Variants in PTPRK observed in about 807,000 individuals in gnomAD.
The protein encoded by PTPRK is receptor-type tyrosine-protein phosphatase kappa.
Under a neutral mutation model 178.0 loss-of-function variants are expected in PTPRK, and 75 were observed. The observed-to-expected ratio is 0.42, with a 90% CI of 0.35 to 0.51. The LOEUF (loss-of-function observed/expected upper bound fraction) is 0.51. PTPRK is among the 20% of genes least tolerant of loss of function. PTPRK has a pLI of 0.02. For missense variants in PTPRK, 1,441 were observed against 1,797.8 expected (o/e 0.80, Z 3.59); for synonymous variants, 637 against 620.6 (o/e 1.03, Z -0.39).
At chr6:128,329,315 A>G (rs2128324690) in intron 2 of PTPRK, among the ~76,000 whole-genome samples, 1 of 152,164 alleles carries the variant, frequency 6.6e-6, no homozygotes, top group South Asian at 2.1e-4. Flanking sequence ...AAAAAAGTTG[A>G]AATTTTCTAC....
At position 128,482,719 on chromosome 6, in the gene PTPRK, G is replaced by C. The variant is rs557010220; in HGVS notation, c.100+37540C>G. Among the ~76,000 whole-genome samples the C allele has an allele frequency of 7.9e-5, 12 of 152,232 alleles. No homozygotes were observed. In the South Asian group the frequency reaches 2.3e-3, roughly 29 times the overall value. ...TGAACACACACCAACCAAACAGCAA[G>C]GTGCTAGGAAATACAGAGAATTCCC... is the stretch of plus-strand genomic sequence containing the variant. On this transcript the variant is annotated intron_variant, in intron 1 of 29. Coordinates refer to ENST00000368226, the MANE Select transcript of PTPRK (RefSeq NM_002844.4).
At chr6:128,137,871 T>C (rs1378513959) in intron 7 of PTPRK, among the ~76,000 whole-genome samples, 1 of 152,092 alleles carries the variant, frequency 6.6e-6, no homozygotes, top group East Asian at 1.9e-4. Flanking sequence ...TTATGAATTA[T>C]TTCAAATAAT....
intron 13 of PTPRK, among the ~76,000 whole-genome samples, chr6:128,033,646 A>G (rs1775719219): frequency 6.6e-6 from 1 of 152,106 alleles, no homozygotes; most frequent in East Asian, 1.9e-4. Flanking sequence ...CCAGGGTGAG[A>G]GGATTGCTTG....
At chr6:128,360,472 T>C (rs1008003594) in intron 2 of PTPRK, among the ~76,000 whole-genome samples, 1 of 152,208 alleles carries the variant, frequency 6.6e-6, no homozygotes, top group Non-Finnish European at 1.5e-5. Context: ...AACATTGAGA[T>C]GTGATGACAG....
intron 13 of PTPRK, among the ~76,000 whole-genome samples, chr6:128,047,595 T>C (rs576743613): frequency 2.0e-4 from 30 of 152,292 alleles, no homozygotes; most frequent in Middle Eastern, 3.4e-3. Flanking sequence ...TGTTTTCTGG[T>C]ATTTTAGACT....
intron 8 of PTPRK, chr6:128,084,889 A>C (rs981085253): frequency 1.6e-4 from 24 of 152,130 alleles, no homozygotes; most frequent in African/African-American, 5.3e-4. Context: ...ATTTTCCCTT[A>C]ATCTAACGTT....
chr6:128,153,643 T>C (rs1269778887), intron 7 of PTPRK, among the ~76,000 whole-genome samples: 2 of 151,948 alleles, frequency 1.3e-5, no homozygotes, highest in Non-Finnish European at 2.9e-5. Flanking sequence ...TAAGCAAATA[T>C]ACTGCCCTCC....
chr6:128,498,780 T>C (rs1251200643), intron 1 of PTPRK, among the ~76,000 whole-genome samples: 1 of 152,132 alleles, frequency 6.6e-6, no homozygotes, highest in Non-Finnish European at 1.5e-5. Flanking sequence ...GATAGATAAA[T>C]AGAATGAATG....
chr6:128,311,960 C>T (rs187297977), intron 3 of PTPRK, among the ~76,000 whole-genome samples: 8 of 152,188 alleles, frequency 5.3e-5, no homozygotes, highest in Non-Finnish European at 8.8e-5. Flanking sequence ...ATAGTTTAGA[C>T]GACACAGGAA....
At chr6:128,169,708 A>T (rs1220891920) in intron 7 of PTPRK, among the ~76,000 whole-genome samples, 1 of 151,880 alleles carries the variant, frequency 6.6e-6, no homozygotes, top group East Asian at 1.9e-4. Context: ...ACATAGACAT[A>T]ACATAATTTA....
At chr6:127,973,625 C>G (rs1471661142) in intron 28 of PTPRK, 39 bp downstream of exon 28, 7 of 1,604,858 alleles carry the variant, frequency 4.4e-6, no homozygotes, top group Non-Finnish European at 6.0e-6. Flanking sequence ...AAATAAGCAC[C>G]AAGGCCCCAT....
At chr6:128,498,474 A>G in intron 1 of PTPRK, among the ~76,000 whole-genome samples, 1 of 152,186 alleles carries the variant, frequency 6.6e-6, no homozygotes, top group East Asian at 1.9e-4. Context: ...TTTGCATCCC[A>G]ATATCCTCTT....
chr6:128,388,787 T>A (rs1839137263), intron 2 of PTPRK, among the ~76,000 whole-genome samples: 1 of 152,200 alleles, frequency 6.6e-6, no homozygotes, highest in Admixed American at 6.5e-5. Flanking sequence ...ATGACATATT[T>A]TAAATGCTTG....
At chr6:127,994,680 T>C (rs551226528) in intron 18 of PTPRK, among the ~76,000 whole-genome samples, 2 of 152,036 alleles carry the variant, frequency 1.3e-5, no homozygotes, top group African/African-American at 4.8e-5. Flanking sequence ...AATTTCCATG[T>C]AGATATGTAT....
chr6:128,224,715 G>C (rs905361823), intron 5 of PTPRK, among the ~76,000 whole-genome samples: 3 of 152,164 alleles, frequency 2.0e-5, no homozygotes, highest in African/African-American at 7.2e-5. Flanking sequence ...AAGGAGATAT[G>C]ATAGGAATTG....
At chr6:128,445,200 T>TATA (rs1846793408) in intron 1 of PTPRK, among the ~76,000 whole-genome samples, 1 of 132,430 alleles carries the variant, frequency 7.6e-6, no homozygotes, top group East Asian at 2.1e-4. Context: ...ACTATTTTAT[T>TATA]TATATATATA....
At chr6:128,385,509 G>A (rs554312062) in intron 2 of PTPRK, among the ~76,000 whole-genome samples, 5 of 152,240 alleles carry the variant, frequency 3.3e-5, no homozygotes, top group Non-Finnish European at 4.4e-5. Context: ...GAAGAACATG[G>A]CAAGCTGTTA....
intron 3 of PTPRK, among the ~76,000 whole-genome samples, chr6:128,271,350 C>T (rs1341704602): frequency 3.3e-5 from 5 of 152,106 alleles, no homozygotes; most frequent in Non-Finnish European, 7.4e-5. Flanking sequence ...GAGAGGGGAC[C>T]GGCCTGGTGT....
intron 13 of PTPRK, among the ~76,000 whole-genome samples, chr6:128,030,162 G>C (rs1483749611): frequency 1.3e-5 from 2 of 152,140 alleles, no homozygotes; most frequent in African/African-American, 4.8e-5. Flanking sequence ...CATAAGGTTT[G>C]GCAAAGTAAA....
Sources: allele counts gnomAD v4.1 joint callset (sites outside exome capture counted in the v4.1 genomes callset), GRCh38; gene constraint gnomAD v4.1.1; transcripts MANE v1.5; gene names NCBI Gene and HGNC (gene_info 2026-07-23, HGNC 2026-07-21).